LINS1: variants seen among roughly 807,000 people sequenced by gnomAD.
The protein encoded by LINS1 is lines homolog 1, also known as protein Lines homolog 1.
A neutral mutation model predicts 41.6 loss-of-function variants in LINS1; 27 were observed. The observed-to-expected ratio is 0.65, with a 90% confidence interval of 0.48 to 0.89. The LOEUF is 0.89. LINS1 is among the 40% of genes least tolerant of loss of function. The pLI, the probability that LINS1 is intolerant of heterozygous loss-of-function variation, is 0.00. For missense variants in LINS1, 955 were observed against 884.1 expected (o/e 1.08, Z -1.02); for synonymous variants, 336 against 312.9 (o/e 1.07, Z -0.78).
chr15:100,578,782 C>T (rs2038347346), intron 3 of LINS1, among the ~76,000 whole-genome samples: 3 of 152,176 alleles, frequency 2.0e-5, no homozygotes, highest in Admixed American at 2.0e-4. Flanking sequence ...ACCCAAATGT[C>T]CAACAATGAT....
intron 3 of LINS1, among the ~76,000 whole-genome samples, chr15:100,578,865 G>A (rs1445611616): frequency 4.6e-5 from 7 of 152,088 alleles, no homozygotes; most frequent in Non-Finnish European, 8.8e-5. Flanking sequence ...ATGAGTTCAT[G>A]TCCTTTGTAG....
chr15:100,588,639 A>G (rs1419987597), intron 1 of LINS1, among the ~76,000 whole-genome samples: 1 of 152,210 alleles, frequency 6.6e-6, no homozygotes, highest in Non-Finnish European at 1.5e-5. Context: ...ACTTTTAAAA[A>G]TTGCTTAATT....
chr15:100,568,703 C>G lies in LINS1; in HGVS notation c.*535G>C, dbSNP rs28497202. On this transcript the variant is annotated 3_prime_UTR_variant, in exon 7 of 7. Coordinates refer to ENST00000314742, the MANE Select transcript of LINS1 (RefSeq NM_001040616.3). ...CTAGCTGAGGAACGCAATCACCACC[C>G]CCGATTTTGTGTCACTTAGAACTGC... 4 of 153,096 alleles carry G rather than the reference C, an allele frequency of 2.6e-5. No homozygotes were observed. Among genetic ancestry groups the G allele is most frequent in the African/African-American group, 9.7e-5 (4 of 41,416 alleles). The allele number at this position is 153,096 out of a possible 1,614,324, so 9.5% of individuals were successfully genotyped here.
chr15:100,591,307 G>C (rs1172165808), intron 1 of LINS1, among the ~76,000 whole-genome samples: 6 of 152,244 alleles, frequency 3.9e-5, no homozygotes, highest in African/African-American at 1.2e-4. Context: ...AATGACAAGA[G>C]CTGAAAGAAA....
rs780969536 is a variant in LINS1, at chr15:100,573,668, G to A, written c.1205C>T (p.Ser402Leu). The A allele has an allele frequency of 6.2e-7, 1 of 1,600,986 alleles. No individual in the cohort carries two copies. The highest frequency in any genetic ancestry group is 8.5e-7 in the Non-Finnish European group (1 of 1,170,152). Reference sequence around the variant, plus strand: ...AGAATTACCTTTCACTTCACTTGCTGAAGAATAATTTTGAAACTTGATTTC... The same window carrying A: ...AGAATTACCTTTCACTTCACTTGCTAAAGAATAATTTTGAAACTTGATTTC... ...SLEIKFQNYS[S>L]ASEVKVDLQR... The change falls in exon 5 of 7, where the codon TCA (serine) becomes TTA (leucine). Residue 402 changes from serine to leucine, a missense_variant. Physicochemically the swap from Ser to Leu is moderately radical, Grantham distance 145 (BLOSUM62 -2). Transcript: ENST00000314742.
intron 3 of LINS1, among the ~76,000 whole-genome samples, chr15:100,578,725 C>T (rs1041637791): frequency 6.6e-5 from 10 of 152,024 alleles, no homozygotes; most frequent in African/African-American, 2.4e-4. Context: ...CACATGCACA[C>T]ATATGTTTAT....
chr15:100,581,703 G>A (rs8029767), intron 1 of LINS1, among the ~76,000 whole-genome samples: 17,569 of 152,156 alleles, frequency 0.12, 1,205 homozygotes, highest in East Asian at 0.27. Context: ...AAGGAGGGGG[G>A]TTTTGCTCCT....
At chr15:100,584,407 C>T (rs1439766018) in intron 1 of LINS1, among the ~76,000 whole-genome samples, 1 of 152,050 alleles carries the variant, frequency 6.6e-6, no homozygotes, top group African/African-American at 2.4e-5. Context: ...TTTTAGCACA[C>T]CAACCAAAGT....
intron 1 of LINS1, among the ~76,000 whole-genome samples, chr15:100,599,564 A>G (rs1294455977): frequency 6.6e-6 from 1 of 152,166 alleles, no homozygotes; most frequent in Non-Finnish European, 1.5e-5. Context: ...CCATCTCTCT[A>G]CTTAACTATC....
At chr15:100,592,436 C>T (rs1447900197) in intron 1 of LINS1, among the ~76,000 whole-genome samples, 1 of 152,084 alleles carries the variant, frequency 6.6e-6, no homozygotes, top group East Asian at 1.9e-4. Context: ...GTCCCTCTCC[C>T]CTTCCTGAGA....
chr15:100,574,374 A>G (rs2038031606), intron 4 of LINS1, 133 bp from the exon 5 acceptor site: 2 of 683,694 alleles, frequency 2.9e-6, no homozygotes, highest in Non-Finnish European at 5.0e-6. Context: ...AACATTAACA[A>G]ATGAGGTTAC....
intron 1 of LINS1, among the ~76,000 whole-genome samples, chr15:100,594,442 C>T (rs139892027): frequency 0.016 from 2,369 of 152,144 alleles, 35 homozygotes; most frequent in Non-Finnish European, 0.022. Flanking sequence ...ACACGGTTTT[C>T]TGGAATTGTG....
At chr15:100,570,374 T>C in intron 6 of LINS1, 1 of 369,114 alleles carries the variant, frequency 2.7e-6, no homozygotes, top group Non-Finnish European at 5.0e-6. Context: ...TTGTTCTTTC[T>C]CTCGACATCA....
At chr15:100,599,845 C>G (rs1338544961) in intron 1 of LINS1, among the ~76,000 whole-genome samples, 1 of 152,156 alleles carries the variant, frequency 6.6e-6, no homozygotes, top group Non-Finnish European at 1.5e-5. Context: ...GCGGGTGGAT[C>G]ACCTGAGGTC....
At position 100,569,081 on chromosome 15, in the gene LINS1, C is replaced by T. The variant is rs1046273463; in HGVS notation, c.*157G>A. 2 of 528,814 alleles carry T rather than the reference C, an allele frequency of 3.8e-6. No homozygotes were observed. The highest frequency in any genetic ancestry group is 4.1e-5 in the African/African-American group (2 of 49,316). 32.8% of individuals were successfully genotyped at this position (528,814 alleles called of 1,614,324 possible). A position where few individuals can be genotyped will look rare whatever the true frequency, so the allele number is the denominator to read the frequency against. ...GGAGGTTGCAGTGAGTCGAGTCACG[C>T]CACTGCACTCCGGCCTGAGCGACAG... On this transcript the variant is annotated 3_prime_UTR_variant, in exon 7 of 7. Transcript: ENST00000314742.
chr15:100,576,430 A>G (rs1210279558), intron 3 of LINS1: 3 of 152,240 alleles, frequency 2.0e-5, no homozygotes, highest in Non-Finnish European at 4.4e-5. Flanking sequence ...TCTAGAAGAA[A>G]TGGATAAATT....
In LINS1 at chr15:100,575,119, T is replaced by G. The variant is rs2141284287; in HGVS notation, c.499A>C (p.Ser167Arg). Residue 167 changes from serine (S) to arginine (R), a missense_variant, in exon 4 of 7, where the codon AGT (serine) becomes CGT (arginine). Physicochemically the swap from Ser to Arg is moderately radical, Grantham distance 110 (BLOSUM62 -1). Coordinates refer to ENST00000314742, the MANE Select transcript of LINS1 (RefSeq NM_001040616.3). ...YFQLREKITL[S>R]NSWIAFCQKN... is the part of the protein sequence containing the mutation. ...TGGCAAAAAGCAATCCAGGAATTACTTAAGGTTATCTACAAGTGAGAAAAT... is the reference window on the plus strand; with the variant it reads ...TGGCAAAAAGCAATCCAGGAATTACGTAAGGTTATCTACAAGTGAGAAAAT... 6.2e-7 allele frequency: 1 copy of G among 1,611,452 alleles called. No homozygotes were observed.
chr15:100,600,696 A>G lies in LINS1; in HGVS notation c.-104+1425T>C, dbSNP rs1411689652. Among the ~76,000 whole-genome samples, 3 of 152,336 alleles carry G rather than the reference A, an allele frequency of 2.0e-5. No homozygotes were observed. In the South Asian group the frequency reaches 6.2e-4, roughly 32 times the overall value. On this transcript the variant is annotated intron_variant, in intron 1 of 6. Transcript: ENST00000314742. ...TAATTTCAAGAAGAAATGGAAATTTAGAAAGTTGAAATTATGAAATATGAT... is the reference window on the plus strand; with the variant it reads ...TAATTTCAAGAAGAAATGGAAATTTGGAAAGTTGAAATTATGAAATATGAT...
At chr15:100,573,566 A>T in intron 5 of LINS1, 85 bp downstream of exon 5, 1 of 915,394 alleles carries the variant, frequency 1.1e-6, no homozygotes, top group Non-Finnish European at 1.7e-6. Context: ...TGGAATTTAA[A>T]CTAGTCCTGA....
Sources: gnomAD v4.1 joint callset for allele counts (sites outside exome capture counted in the v4.1 genomes callset) on GRCh38, gnomAD v4.1.1 for gene constraint, MANE v1.5 for transcripts, NCBI Gene and HGNC (gene_info 2026-07-23, HGNC 2026-07-21) for gene names.